CFAP276: variants seen among roughly 807,000 people sequenced by gnomAD.
The protein encoded by CFAP276 is cilia and flagella associated protein 276.
the CFAP276 span, chr1:109,107,799 G>T: frequency 1.4e-6 from 1 of 726,298 alleles, no homozygotes; most frequent in Non-Finnish European, 2.2e-6. Flanking sequence ...GATTGCCTGA[G>T]CCTGGGAGGT....
chr1:109,106,437 T>C, the CFAP276 span: 1 of 1,444,190 alleles, frequency 6.9e-7, no homozygotes. Flanking sequence ...ATCCTTCATC[T>C]TCCCTACTGT....
At chr1:109,107,936 G>A in the CFAP276 span, 1 of 1,608,268 alleles carries the variant, frequency 6.2e-7, no homozygotes, top group South Asian at 1.1e-5. Flanking sequence ...GATCAAAATA[G>A]TAGGCATCCC....
the CFAP276 span, among the ~76,000 whole-genome samples, chr1:109,113,416 A>AAAGAGAGAG: frequency 2.9e-5 from 2 of 68,040 alleles, no homozygotes; most frequent in Non-Finnish European, 5.2e-5. Context: ...GAGAGAGAGA[A>AAAGAGAGAG]AGAGAGAGAG....
At chr1:109,113,520 ACTCGGATCAAC>A in the CFAP276 span, 573 of 1,045,266 alleles carry the variant, frequency 5.5e-4, 67 homozygotes, top group African/African-American at 6.2e-3. Context: ...CCTCGCTTAA[ACTCGGATCAAC>A]TACAGTGTCA....
At chr1:109,106,188 T>C in the CFAP276 span, 1 of 1,124,922 alleles carries the variant, frequency 8.9e-7, no homozygotes, top group Non-Finnish European at 1.3e-6. Flanking sequence ...TTGTAGGTAC[T>C]GTGGAGAAGC....
At chr1:109,111,562 A>G in the CFAP276 span, among the ~76,000 whole-genome samples, 4 of 151,986 alleles carry the variant, frequency 2.6e-5, no homozygotes, top group East Asian at 1.9e-4. Context: ...CACCCAGCCA[A>G]CCAAGGGCAT....
At chr1:109,107,157 C>T in the CFAP276 span, 1 of 1,506,180 alleles carries the variant, frequency 6.6e-7, no homozygotes, top group Non-Finnish European at 9.2e-7. Flanking sequence ...GTTAGCTCAG[C>T]CACCTGTGTC....
the CFAP276 span, chr1:109,112,826 C>A: frequency 6.0e-6 from 8 of 1,328,254 alleles, no homozygotes; most frequent in South Asian, 1.7e-5. Context: ...CAGAGGAATT[C>A]CCTCAGAGGA....
the CFAP276 span, among the ~76,000 whole-genome samples, chr1:109,112,393 A>G: frequency 0.32 from 48,997 of 152,080 alleles, 10,290 homozygotes; most frequent in African/African-American, 0.59. Flanking sequence ...CTAGACTAGA[A>G]CTCTACTTTC....
chr1:109,106,661 TAGA>T, the CFAP276 span: 1 of 1,613,764 alleles, frequency 6.2e-7, no homozygotes. Flanking sequence ...ATCTTGGTTC[TAGA>T]AGAAGGCATA....
the CFAP276 span, among the ~76,000 whole-genome samples, chr1:109,112,083 A>G: frequency 6.6e-6 from 1 of 152,194 alleles, no homozygotes. Context: ...ACCACTTCAT[A>G]TATCCCAATC....
the CFAP276 span, chr1:109,113,704 G>T: frequency 1.8e-4 from 295 of 1,613,806 alleles, no homozygotes; most frequent in Non-Finnish European, 2.3e-4. Context: ...CACACGCCAC[G>T]TGTGCAACAT....
At chr1:109,113,416 A>AAGAGAGAGAGAG in the CFAP276 span, among the ~76,000 whole-genome samples, 88 of 68,074 alleles carry the variant, frequency 1.3e-3, 2 homozygotes, top group African/African-American at 2.4e-3. Flanking sequence ...GAGAGAGAGA[A>AAGAGAGAGAGAG]AGAGAGAGAG....
chr1:109,106,926 T>C, the CFAP276 span: 5 of 1,129,316 alleles, frequency 4.4e-6, no homozygotes, highest in Admixed American at 1.0e-4. Flanking sequence ...CTAGTGATTA[T>C]CATTTTCCAG....
At chr1:109,105,986 C>T in the CFAP276 span, 620 of 1,496,464 alleles carry the variant, frequency 4.1e-4, 11 homozygotes, top group East Asian at 0.014. Context: ...GGAAGTGGGC[C>T]GCAGTATGTT....
the CFAP276 span, chr1:109,113,648 GCGA>G: frequency 6.2e-7 from 1 of 1,614,080 alleles, no homozygotes; most frequent in Non-Finnish European, 8.5e-7. Context: ...CCTCTTCCAG[GCGA>G]CGACGTCTGG....
At chr1:109,111,953 T>C in the CFAP276 span, among the ~76,000 whole-genome samples, 601 of 152,360 alleles carry the variant, frequency 3.9e-3, no homozygotes, top group Non-Finnish European at 5.9e-3. Context: ...CTAATTTATT[T>C]ATATATCCTT....
chr1:109,105,977 G>C, the CFAP276 span: 1 of 1,430,218 alleles, frequency 7.0e-7, no homozygotes, highest in African/African-American at 1.4e-5. Flanking sequence ...CTATTTAATG[G>C]AAGTGGGCCG....
chr1:109,110,611 T>G, the CFAP276 span, among the ~76,000 whole-genome samples: 5 of 152,304 alleles, frequency 3.3e-5, no homozygotes, highest in African/African-American at 1.2e-4. Flanking sequence ...GCAGTGCTAT[T>G]CTCCAAGGGT....
Sources: gnomAD v4.1 joint callset for allele counts (sites outside exome capture counted in the v4.1 genomes callset) on GRCh38, gnomAD v4.1.1 for gene constraint, MANE v1.5 for transcripts, NCBI Gene and HGNC (gene_info 2026-07-23, HGNC 2026-07-21) for gene names.